The following FGF14 variants were observed in gnomAD, a reference collection of about 807,000 sequenced individuals.
The protein encoded by FGF14 is fibroblast growth factor 14.
A neutral mutation model predicts 25.5 loss-of-function variants in FGF14; 5 were observed. The ratio of observed to expected loss-of-function variants is 0.20; its 90% confidence interval spans 0.10 to 0.41. The LOEUF is 0.41. Ranked by LOEUF, FGF14 falls within the 10% of genes least tolerant of loss-of-function variation. The pLI, the probability that FGF14 is intolerant of heterozygous loss-of-function variation, is 1.00. For synonymous variants in FGF14, 138 were observed against 118.3 expected (o/e 1.17, Z -1.08); for missense variants, 222 against 320.1 (o/e 0.69, Z 2.34).
intron 1 of FGF14, among the ~76,000 whole-genome samples, chr13:102,107,243 G>C (rs911725298): frequency 6.6e-6 from 1 of 152,192 alleles, no homozygotes; most frequent in African/African-American, 2.4e-5. Context: ...TGACCCCTTA[G>C]AAATCTGGTT....
At position 102,010,952 on chromosome 13, in the gene FGF14, A is replaced by C. The variant is rs186032313; in HGVS notation, c.209-135656T>G. On this transcript the variant is annotated intron_variant, in intron 1 of 4. Coordinates refer to the FGF14 transcript ENST00000376131. ...AGTTTTTGTTCTCTTAACATTGCCT[A>C]CATAAATCAGAATATGCTAAATTTA... Among the ~76,000 whole-genome samples, 466 of 152,318 alleles carry C rather than the reference A, an allele frequency of 3.1e-3. 3 individuals carry two copies. Among genetic ancestry groups the C allele is most frequent in the African/African-American group, 0.011 (438 of 41,578 alleles).
At chr13:101,913,242 G>A (rs2033135262) in intron 1 of FGF14, among the ~76,000 whole-genome samples, 1 of 152,200 alleles carries the variant, frequency 6.6e-6, no homozygotes. Flanking sequence ...CGGGGTGTGT[G>A]GCATTGTATT....
intron 1 of FGF14, among the ~76,000 whole-genome samples, chr13:102,355,801 ATTC>A (rs1482924171): frequency 1.3e-5 from 2 of 152,096 alleles, no homozygotes; most frequent in African/African-American, 4.8e-5. Context: ...ATTTAAAATA[ATTC>A]TTCCTTCGAT....
At chr13:102,070,277 G>T (rs2043102154) in intron 1 of FGF14, among the ~76,000 whole-genome samples, 1 of 152,162 alleles carries the variant, frequency 6.6e-6, no homozygotes, top group Non-Finnish European at 1.5e-5. Flanking sequence ...TATATGTAAA[G>T]GTGGTCAATA....
intron 1 of FGF14, among the ~76,000 whole-genome samples, chr13:101,937,802 G>T (rs2035201937): frequency 6.6e-6 from 1 of 152,104 alleles, no homozygotes; most frequent in African/African-American, 2.4e-5. Context: ...GTTTCACCAT[G>T]TTGGCCAGGC....
intron 1 of FGF14, among the ~76,000 whole-genome samples, chr13:102,138,071 C>G (rs1353004680): frequency 6.6e-6 from 1 of 151,234 alleles, no homozygotes; most frequent in East Asian, 2.0e-4. Flanking sequence ...GCCTGAGGCC[C>G]ACCTCCTGTG....
chr13:101,748,118 C>G (rs534295055), intron 3 of FGF14, among the ~76,000 whole-genome samples: 5 of 151,774 alleles, frequency 3.3e-5, no homozygotes, highest in Non-Finnish European at 4.4e-5. Flanking sequence ...ACTACTGGGT[C>G]TATATCCAAA....
Position 101,916,703 on chromosome 13 carries a change from C to A in FGF14, c.-58G>T, listed in dbSNP as rs2033542243. On this transcript the variant is annotated 5_prime_UTR_variant, in exon 1 of 5. Transcript: ENST00000376143. ...GCGCGGGAGGACGGCGAGCCGGGGG[C>A]ACCGGAGGGGAAGGCGGCGGCGCAG... The A allele has an allele frequency of 2.8e-6, 4 of 1,411,418 alleles. No individual in the cohort carries two copies. The South Asian group carries it at 5.9e-5, about 21-fold the overall frequency. 87.4% of individuals were successfully genotyped at this position (1,411,418 alleles called of 1,614,324 possible).
intron 1 of FGF14, among the ~76,000 whole-genome samples, chr13:102,100,484 C>T (rs1028982305): frequency 6.6e-6 from 1 of 152,172 alleles, no homozygotes; most frequent in Non-Finnish European, 1.5e-5. Context: ...ACCGCTTGTC[C>T]AGCCAGCATG....
chr13:101,953,259 G>C (rs1011881283), intron 1 of FGF14, among the ~76,000 whole-genome samples: 5 of 152,070 alleles, frequency 3.3e-5, no homozygotes, highest in African/African-American at 7.2e-5. Context: ...TGCACCAACG[G>C]TTTTATATTC....
At chr13:101,723,998 G>T (rs1173484122) in intron 4 of FGF14, among the ~76,000 whole-genome samples, 1 of 152,066 alleles carries the variant, frequency 6.6e-6, no homozygotes, top group Non-Finnish European at 1.5e-5. Flanking sequence ...GTGGCCTTTA[G>T]TATCAATGCA....
At chr13:102,135,066 C>A (rs988814393) in intron 1 of FGF14, among the ~76,000 whole-genome samples, 1 of 149,824 alleles carries the variant, frequency 6.7e-6, no homozygotes, top group Non-Finnish European at 1.5e-5. Flanking sequence ...CACACAAATC[C>A]GCGTGGTGGT....
At chr13:102,125,064 G>A (rs1247481502) in intron 1 of FGF14, among the ~76,000 whole-genome samples, 1 of 151,988 alleles carries the variant, frequency 6.6e-6, no homozygotes, top group African/African-American at 2.4e-5. Flanking sequence ...CACTGTTATT[G>A]TTTTTTGTTT....
At chr13:102,326,667 G>GGGGAAGGGAAGGGAAGGGAAGGGAA (rs1334021858) in intron 1 of FGF14, among the ~76,000 whole-genome samples, 1 of 74,780 alleles carries the variant, frequency 1.3e-5, no homozygotes, top group African/African-American at 6.2e-5. Context: ...GGGGAAGGGA[G>GGGGAAGGGAAGGGAAGGGAAGGGAA]GGGAAGGGAA....
intron 1 of FGF14, among the ~76,000 whole-genome samples, chr13:102,262,555 T>C (rs1476418829): frequency 1.3e-5 from 2 of 152,160 alleles, no homozygotes; most frequent in Admixed American, 1.3e-4. Context: ...ATTATTTTGA[T>C]AGATTTTTAA....
intron 3 of FGF14, among the ~76,000 whole-genome samples, chr13:101,830,349 T>C (rs2042608267): frequency 6.6e-6 from 1 of 152,082 alleles, no homozygotes; most frequent in South Asian, 2.1e-4. Context: ...AGAGTTTATG[T>C]CAGCAGCACC....
intron 1 of FGF14, among the ~76,000 whole-genome samples, chr13:102,379,910 G>A (rs941420419): frequency 8.5e-5 from 13 of 152,100 alleles, no homozygotes; most frequent in Non-Finnish European, 5.9e-5. Context: ...AAGCCAGCTA[G>A]GTCTCTGAAA....
chr13:101,968,975 A>G (rs188883460), intron 1 of FGF14, among the ~76,000 whole-genome samples: 87 of 151,948 alleles, frequency 5.7e-4, no homozygotes, highest in African/African-American at 2.0e-3. Flanking sequence ...TCCATCCACA[A>G]TTCCTTGGTA....
At chr13:102,005,591 TGA>T (rs1032640233) in intron 1 of FGF14, among the ~76,000 whole-genome samples, 141 of 152,308 alleles carry the variant, frequency 9.3e-4, no homozygotes, top group African/African-American at 3.1e-3. Context: ...AGATGACTGC[TGA>T]GAGTTCCAAA....
Sources: gnomAD v4.1 joint callset for allele counts (sites outside exome capture counted in the v4.1 genomes callset) on GRCh38, gnomAD v4.1.1 for gene constraint, MANE v1.5 for transcripts, NCBI Gene and HGNC (gene_info 2026-07-23, HGNC 2026-07-21) for gene names.